The following FKRP variants were observed in gnomAD, a reference collection of about 807,000 sequenced individuals.
FKRP encodes ribitol 5-phosphate transferase FKRP.
In FKRP, 25 loss-of-function variants were observed where a neutral mutation model predicts 30.6. The ratio of observed to expected loss-of-function variants is 0.82; its 90% CI spans 0.60 to 1.14. FKRP has a LOEUF of 1.14. FKRP is among the 50% of genes most tolerant of loss of function. The pLI is 0.00. For synonymous variants in FKRP, 358 were observed against 342.5 expected (o/e 1.05, Z -0.50); for missense variants, 771 against 727.8 (o/e 1.06, Z -0.68).
chr19:46,756,604 C>A lies in FKRP; in HGVS notation c.1154C>A (p.Ser385Ter), dbSNP rs104894680. ...CAGCTGCGGGGGGCAGAGGCCGGCT[C>A]GGTGGTGGATGAGCGCGGCTTCGTA... ...CEQLRGAEAG[S>*]VVDERGFVWE... The change falls in exon 4 of 4, where the codon TCG becomes TAG. Residue 385 changes from serine (S) to a stop codon, truncating the protein, a stop_gained. Transcript: ENST00000318584. LOFTEE classifies it high-confidence loss of function. The surrounding 1 kb of genome is among the most constrained non-coding windows in gnomAD (Gnocchi z 6.6). The A allele has an allele frequency of 1.2e-5, 19 of 1,611,280 alleles. No homozygotes were observed. The highest frequency in any genetic ancestry group is 1.5e-5 in the Non-Finnish European group (18 of 1,179,190).
chr19:46,756,509 C>G lies in FKRP; in HGVS notation c.1059C>G (p.His353Gln). 1.3e-6 allele frequency: 2 copies of G among 1,583,322 alleles called. No individual in the cohort carries two copies. Among genetic ancestry groups the G allele is most frequent in the South Asian group, 1.2e-5 (1 of 86,908 alleles). The change falls in exon 4 of 4, where the codon CAC becomes CAG. Residue 353 changes from histidine to glutamine, a missense_variant. Physicochemically the swap from His to Gln is conservative, Grantham distance 24. Coordinates refer to ENST00000318584, the MANE Select transcript of FKRP (RefSeq NM_024301.5). The surrounding 1 kb of genome is among the most constrained non-coding windows in gnomAD (Gnocchi z 6.6). Reference protein sequence around the residue: ...EGGSLLGAARHGDIIPWDYDV... With the variant: ...EGGSLLGAARQGDIIPWDYDV... ...GCTCACTGCTGGGGGCCGCCCGCCA[C>G]GGGGACATCATCCCATGGGACTACG...
rs1159432554 is a variant in FKRP, at chr19:46,755,762, C to T, written c.312C>T (p.Leu104=). The T allele has an allele frequency of 6.5e-7, 1 of 1,541,490 alleles. No individual in the cohort carries two copies. Among genetic ancestry groups the T allele is most frequent in the South Asian group, 1.2e-5 (1 of 84,396 alleles). Residue 104 remains leucine, a synonymous_variant, in exon 4 of 4, where the codon CTC becomes CTT. Transcript: ENST00000318584. ...TCCCCAACGTGCGTCTGGCGCTGCT[C>T]CAGCCCGCCCTGGACCGGCCAGCCG... ...PRIPNVRLAL[L]QPALDRPAAA... is the part of the protein sequence containing the mutation.
chr19:46,756,783 T>C lies in FKRP; in HGVS notation c.1333T>C (p.Phe445Leu). 6.2e-7 allele frequency: 1 copy of C among 1,602,570 alleles called. No homozygotes were observed. Among genetic ancestry groups the C allele is most frequent in the East Asian group, 2.3e-5 (1 of 44,356 alleles). The change falls in exon 4 of 4, where the codon TTC becomes CTC. Residue 445 changes from phenylalanine to leucine, a missense_variant. Physicochemically the swap from Phe to Leu is conservative, Grantham distance 22. Transcript: ENST00000318584. The surrounding 1 kb of genome is among the most constrained non-coding windows in gnomAD (Gnocchi z 6.6). ...GCAGGATGTGGAGTTTCCCGAGCACTTCCTGCAGCCGCTGGTGCCCCTGCC... is the reference window on the plus strand; with the variant it reads ...GCAGGATGTGGAGTTTCCCGAGCACCTCCTGCAGCCGCTGGTGCCCCTGCC... ...HRQDVEFPEH[F>L]LQPLVPLPFA...
chr19:46,751,993 C>G (rs1372083353), intron 3 of FKRP, among the ~76,000 whole-genome samples: 1 of 152,166 alleles, frequency 6.6e-6, no homozygotes, highest in East Asian at 1.9e-4. Context: ...TAAGAACACT[C>G]AGACAGAGGC....
chr19:46,756,567 G>A lies in FKRP; in HGVS notation c.1117G>A (p.Gly373Ser), dbSNP rs1184684815. The change falls in exon 4 of 4, where the codon GGC (glycine) becomes AGC (serine). Residue 373 changes from glycine (G) to serine (S), a missense_variant. Gly to Ser is a moderately conservative substitution (Grantham distance 56, BLOSUM62 0). Transcript: ENST00000318584. The surrounding 1 kb of genome is among the most constrained non-coding windows in gnomAD (Gnocchi z 6.6). Reference protein sequence around the residue: ...VDLGIYLEDVGNCEQLRGAEA... With the variant: ...VDLGIYLEDVSNCEQLRGAEA... ...CCTGGGCATCTACTTGGAGGACGTG[G>A]GCAACTGCGAGCAGCTGCGGGGGGC... The A allele has an allele frequency of 4.4e-6, 7 of 1,608,618 alleles. No homozygotes were observed. Among genetic ancestry groups the A allele is most frequent in the Admixed American group, 1.7e-5 (1 of 58,734 alleles).
rs2054947309 is a variant in FKRP at position 46,757,266 on chromosome 19, A to G, written c.*328A>G. 4.4e-6 allele frequency: 2 copies of G among 456,482 alleles called. No homozygotes were observed. Among genetic ancestry groups the G allele is most frequent in the South Asian group, 4.7e-5 (2 of 42,524 alleles). 28.3% of individuals were successfully genotyped at this position (456,482 alleles called of 1,614,324 possible). A position where few individuals can be genotyped will look rare whatever the true frequency, so the allele number is the denominator to read the frequency against. On this transcript the variant is annotated 3_prime_UTR_variant, in exon 4 of 4. Transcript: ENST00000318584. ...GGCCCAGCACAGCCCCAGACCCGAA[A>G]AAAGTGTTCTGCCCAAGATTCCGAG... is the stretch of plus-strand genomic sequence containing the variant.
In FKRP at chr19:46,757,388, C is replaced by G; in HGVS notation, c.*450C>G. The G allele has an allele frequency of 5.1e-6, 1 of 196,720 alleles. No homozygotes were observed. The highest frequency in any genetic ancestry group is 1.0e-4 in the South Asian group (1 of 9,750). 12.2% of individuals were successfully genotyped at this position (196,720 alleles called of 1,614,324 possible). ...AAATCCTGGCTCTATCGCTTCGGAG[C>G]CAGGTGGGCCTGGGGGGGCGTCGCA... On this transcript the variant is annotated 3_prime_UTR_variant, in exon 4 of 4. Coordinates refer to ENST00000318584, the MANE Select transcript of FKRP (RefSeq NM_024301.5).
At chr19:46,753,584 T>C (rs939290640) in intron 3 of FKRP, among the ~76,000 whole-genome samples, 2 of 151,550 alleles carry the variant, frequency 1.3e-5, no homozygotes, top group Non-Finnish European at 2.9e-5. Flanking sequence ...AAGGGGAATG[T>C]CAGAAGCAGC....
chr19:46,750,027 T>C (rs12151150), intron 3 of FKRP, among the ~76,000 whole-genome samples: 51,163 of 151,846 alleles, frequency 0.34, 8,739 homozygotes, highest in South Asian at 0.41. Flanking sequence ...GGTTTCCATT[T>C]TTAAATGTGA....
chr19:46,757,430 G>T lies in FKRP; in HGVS notation c.*492G>T, dbSNP rs1415524294. 1.1e-5 allele frequency: 2 copies of T among 186,102 alleles called. No individual in the cohort carries two copies. The highest frequency in any genetic ancestry group is 2.4e-5 in the African/African-American group (1 of 42,032). The allele number at this position is 186,102 out of a possible 1,614,324, so 11.5% of individuals were successfully genotyped here. A position where few individuals can be genotyped will look rare whatever the true frequency, so the allele number is the denominator to read the frequency against. On this transcript the variant is annotated 3_prime_UTR_variant, in exon 4 of 4. Coordinates refer to ENST00000318584, the MANE Select transcript of FKRP (RefSeq NM_024301.5). ...GGCGTCGCAGTCTCTCTGTGCCTCA[G>T]TTGCTTCCAGGATGCGGGACCCTTG...
rs2054701246 is a variant in FKRP at position 46,748,042 on chromosome 19, G to T, written c.-237G>T. The stretch of plus-strand genomic sequence containing the variant: ...CTCCTCTCAGGAGCGCAGCTCAGCT[G>T]GGCTGGAACTGCCCTCCTGGAACTC... On this transcript the variant is annotated 5_prime_UTR_variant, in exon 2 of 4. Coordinates refer to ENST00000318584, the MANE Select transcript of FKRP (RefSeq NM_024301.5). The T allele has an allele frequency of 6.6e-6, 1 of 152,194 alleles. No homozygotes were observed. Among genetic ancestry groups the T allele is most frequent in the African/African-American group, 2.4e-5 (1 of 41,430 alleles). 9.4% of individuals were successfully genotyped at this position (152,194 alleles called of 1,614,324 possible). A position where few individuals can be genotyped will look rare whatever the true frequency, so the allele number is the denominator to read the frequency against.
chr19:46,755,938 C>T lies in FKRP; in HGVS notation c.488C>T (p.Ala163Val). Residue 163 changes from alanine (A) to valine (V), a missense_variant, in exon 4 of 4, where the codon GCC becomes GTC. Coordinates refer to ENST00000318584, the MANE Select transcript of FKRP (RefSeq NM_024301.5). ...CTGGTGGCCGCCCCGGTTGCCACGG[C>T]CAACCCTGCCAGGTGCCTGGCCCTG... is the stretch of plus-strand genomic sequence containing the variant. ...ARLVAAPVATANPARCLALNV... is the reference protein window; with the variant it reads ...ARLVAAPVATVNPARCLALNV... 6.5e-7 allele frequency: 1 copy of T among 1,533,490 alleles called. No individual in the cohort carries two copies. Among genetic ancestry groups the T allele is most frequent in the Non-Finnish European group, 8.7e-7 (1 of 1,145,476 alleles). 95.0% of individuals were successfully genotyped at this position (1,533,490 alleles called of 1,614,324 possible). A position where few individuals can be genotyped will look rare whatever the true frequency, so the allele number is the denominator to read the frequency against.
rs533261221 is a variant in FKRP, at chr19:46,746,123, G to C, written c.-253+33G>C. 119 of 1,479,410 alleles carry C rather than the reference G, an allele frequency of 8.0e-5. No individual in the cohort carries two copies. The South Asian group carries it at 1.4e-3, about 18-fold the overall frequency. The allele number at this position is 1,479,410 out of a possible 1,614,324, so 91.6% of individuals were successfully genotyped here. A position where few individuals can be genotyped will look rare whatever the true frequency, so the allele number is the denominator to read the frequency against. ...CGGGCCGGGCCGGGCCGGGTTGGGG[G>C]TCGGGGGTCCCGGGACAGCGCTCAC... On this transcript the variant is annotated intron_variant, in intron 1 of 3. Coordinates refer to ENST00000318584, the MANE Select transcript of FKRP (RefSeq NM_024301.5).
intron 1 of FKRP, chr19:46,746,805 T>C (rs1311108811): frequency 1.3e-5 from 2 of 152,156 alleles, no homozygotes; most frequent in African/African-American, 4.8e-5. Context: ...CAATTACTTT[T>C]ACTCTGAGAG....
chr19:46,755,363 G>T, intron 3 of FKRP, 49 bp from the exon 4 acceptor site: 2 of 1,198,506 alleles, frequency 1.7e-6, no homozygotes, highest in African/African-American at 3.1e-5. Flanking sequence ...GCAGAAGGGG[G>T]TGGTTCTGAC....
upstream of FKRP, among the ~76,000 whole-genome samples, chr19:46,744,869 C>T (rs1266638554): frequency 6.6e-6 from 1 of 152,046 alleles, no homozygotes; most frequent in Non-Finnish European, 1.5e-5. Context: ...CAAATCCGGA[C>T]ATCTCCATGG....
rs1365900758 is a variant in FKRP, at chr19:46,756,665, G to T, written c.1215G>T (p.Val405=). ...EKAVEGDFFR[V]QYSESNHLHV... ...CGGTCGAGGGCGACTTTTTCCGCGT[G>T]CAGTACAGCGAAAGCAACCACTTGC... is the stretch of plus-strand genomic sequence containing the variant. Residue 405 remains valine (V), a synonymous_variant, in exon 4 of 4, where the codon GTG becomes GTT. Coordinates refer to ENST00000318584, the MANE Select transcript of FKRP (RefSeq NM_024301.5). The surrounding 1 kb of genome is among the most constrained non-coding windows in gnomAD (Gnocchi z 6.6). 1.2e-6 allele frequency: 2 copies of T among 1,613,390 alleles called. No individual in the cohort carries two copies. Among genetic ancestry groups the T allele is most frequent in the African/African-American group, 1.3e-5 (1 of 74,940 alleles).
intron 3 of FKRP, among the ~76,000 whole-genome samples, chr19:46,755,157 C>T (rs902286556): frequency 4.0e-4 from 60 of 148,460 alleles, no homozygotes; most frequent in African/African-American, 1.4e-3. Context: ...CGTCATTCTA[C>T]TTTATGTTTC....
chr19:46,756,437 G>A lies in FKRP; in HGVS notation c.987G>A (p.Val329=). Residue 329 remains valine (V), a synonymous_variant, in exon 4 of 4, where the codon GTG becomes GTA. Transcript: ENST00000318584. This position sits in a 1 kb window ranked among gnomAD's most constrained non-coding sequence, Gnocchi z 6.6. ...LRALRETARY[V]VGVLEAAGVR... is the part of the protein sequence containing the mutation. The stretch of plus-strand genomic sequence containing the variant: ...CGCTGCGCGAGACCGCCCGCTATGT[G>A]GTGGGCGTGCTGGAGGCTGCGGGCG... The A allele has an allele frequency of 1.9e-6, 3 of 1,585,654 alleles. No individual in the cohort carries two copies. In the South Asian group the frequency reaches 3.4e-5, roughly 18 times the overall value.
Sources: gnomAD v4.1 joint callset for allele counts (sites outside exome capture counted in the v4.1 genomes callset) on GRCh38, gnomAD v4.1.1 for gene constraint, Gnocchi (gnomAD v3.1) non-coding constraint, MANE v1.5 for transcripts, NCBI Gene and HGNC (gene_info 2026-07-23, HGNC 2026-07-21) for gene names.